TMEM242: variants seen among roughly 807,000 people sequenced by gnomAD.
TMEM242 encodes UPF0463 transmembrane protein C6orf35.
A neutral mutation model predicts 18.2 loss-of-function variants in TMEM242; 10 were observed. The observed-to-expected ratio is 0.55, with a 90% CI of 0.34 to 0.93. TMEM242 has a LOEUF of 0.93. TMEM242 is among the 40% of genes least tolerant of loss of function. The pLI is 0.02. For missense variants in TMEM242, 186 were observed against 175.5 expected, an observed-to-expected ratio of 1.06 and a Z score of -0.34; for synonymous variants, 57 against 69.9, an observed-to-expected ratio of 0.81 and a Z score of 0.92.
At chr6:157,299,942 A>C in intron 3 of TMEM242, 1 of 1,599,918 alleles carries the variant, frequency 6.3e-7, no homozygotes, top group Non-Finnish European at 8.6e-7. Flanking sequence ...TATGATGGAG[A>C]CCTTACTGTG....
intron 3 of TMEM242, among the ~76,000 whole-genome samples, chr6:157,307,033 A>G (rs782384604): frequency 9.9e-5 from 15 of 152,244 alleles, no homozygotes; most frequent in Non-Finnish European, 1.8e-4. Flanking sequence ...AACTGTACAT[A>G]TCAACTATAT....
chr6:157,294,514 C>A (rs1018645012), intron 3 of TMEM242, among the ~76,000 whole-genome samples: 1 of 151,532 alleles, frequency 6.6e-6, no homozygotes, highest in African/African-American at 2.4e-5. Flanking sequence ...CTACGCCCGG[C>A]TAATTTTTTG....
At chr6:157,312,250 A>G (rs1778168178) in intron 3 of TMEM242, among the ~76,000 whole-genome samples, 1 of 137,028 alleles carries the variant, frequency 7.3e-6, no homozygotes, top group Non-Finnish European at 1.5e-5. Flanking sequence ...ATCTAGCCTT[A>G]TCATAGTTTC....
intron 3 of TMEM242, among the ~76,000 whole-genome samples, chr6:157,314,565 G>A (rs1042389490): frequency 2.6e-5 from 4 of 152,210 alleles, no homozygotes; most frequent in Admixed American, 6.5e-5. Flanking sequence ...AGGGTGGGCC[G>A]GGGAGCAGGG....
rs1227271429 is a variant in TMEM242, at chr6:157,290,358, T to C, written c.*2543A>G. ...TTATAGGGAGATAATGTCTGTTCTA[T>C]TCCTTTTTAAGTCTGTGAAAAATGT... is the stretch of plus-strand genomic sequence containing the variant. On this transcript the variant is annotated 3_prime_UTR_variant, in exon 4 of 4. Transcript: ENST00000400788. 6.6e-6 allele frequency: 1 copy of C among 152,340 alleles called. No individual in the cohort carries two copies. The highest frequency in any genetic ancestry group is 1.9e-4 in the East Asian group (1 of 5,184). The allele number at this position is 152,340 out of a possible 1,614,324, so 9.4% of individuals were successfully genotyped here. A position where few individuals can be genotyped will look rare whatever the true frequency, so the allele number is the denominator to read the frequency against.
chr6:157,314,362 G>GTGAGCACTCAACGGGCCTAAT (rs1778343810), intron 3 of TMEM242, among the ~76,000 whole-genome samples: 1 of 149,516 alleles, frequency 6.7e-6, no homozygotes, highest in African/African-American at 2.5e-5. Flanking sequence ...TAGTGTCCCA[G>GTGAGCACTCAACGGGCCTAAT]CATGCATTCC....
In TMEM242 at chr6:157,289,450, A is replaced by C. The variant is rs587619043; in HGVS notation, c.*3451T>G. On this transcript the variant is annotated 3_prime_UTR_variant, in exon 4 of 4. Transcript: ENST00000400788. ...AAACACTTCACTTGAACATGGTATT[A>C]TAAAAATATGTATTTTACTAACTTT... is the stretch of plus-strand genomic sequence containing the variant. The C allele has an allele frequency of 6.6e-6, 1 of 152,364 alleles. No homozygotes were observed. Among genetic ancestry groups the C allele is most frequent in the East Asian group, 1.9e-4 (1 of 5,184 alleles). The allele number at this position is 152,364 out of a possible 1,614,324, so 9.4% of individuals were successfully genotyped here. A position where few individuals can be genotyped will look rare whatever the true frequency, so the allele number is the denominator to read the frequency against.
At chr6:157,295,846 T>A (rs1777741643) in intron 3 of TMEM242, among the ~76,000 whole-genome samples, 1 of 152,188 alleles carries the variant, frequency 6.6e-6, no homozygotes, top group Non-Finnish European at 1.5e-5. Context: ...AGTTTACAGC[T>A]GTGGAAATCG....
At chr6:157,296,939 T>C (rs963413478) in intron 3 of TMEM242, among the ~76,000 whole-genome samples, 2 of 152,196 alleles carry the variant, frequency 1.3e-5, no homozygotes, top group African/African-American at 4.8e-5. Flanking sequence ...GTCACAAATA[T>C]GGATGTTCTG....
At chr6:157,294,996 T>C (rs1554247120) in intron 3 of TMEM242, among the ~76,000 whole-genome samples, 1 of 152,248 alleles carries the variant, frequency 6.6e-6, no homozygotes, top group Non-Finnish European at 1.5e-5. Context: ...ATCTAACACA[T>C]GGAAAGTGCT....
At chr6:157,302,604 A>G (rs1332389522) in intron 3 of TMEM242, among the ~76,000 whole-genome samples, 3 of 152,208 alleles carry the variant, frequency 2.0e-5, no homozygotes, top group South Asian at 2.1e-4. Context: ...TATTTACAAT[A>G]AGTCTTGAGA....
At position 157,305,533 on chromosome 6, in the gene TMEM242, T is replaced by C. The variant is rs1438886666; in HGVS notation, c.328-12534A>G. On this transcript the variant is annotated intron_variant, in intron 3 of 3. Transcript: ENST00000400788. This position sits in a 1 kb window ranked among gnomAD's most constrained non-coding sequence, Gnocchi z 4.1. ...TCTGAAGGTCAGGGCTGGGGCTATG[T>C]ATCTGGACGGCATCAGATAGTACTG... Among the ~76,000 whole-genome samples, 1 of 152,132 alleles carries C rather than the reference T, an allele frequency of 6.6e-6. No individual in the cohort carries two copies. Among genetic ancestry groups the C allele is most frequent in the Non-Finnish European group, 1.5e-5 (1 of 68,036 alleles).
rs1777677031 is a variant in TMEM242 at position 157,291,017 on chromosome 6, C to T, written c.*1884G>A. ...CCCCACCATGGCCCCTGGCTCCTTC[C>T]TAGGGCCTAGCTGCCATCAGCCTGA... is the stretch of plus-strand genomic sequence containing the variant. On this transcript the variant is annotated 3_prime_UTR_variant, in exon 4 of 4. Transcript: ENST00000400788. 1 of 152,342 alleles carries T rather than the reference C, an allele frequency of 6.6e-6. No homozygotes were observed. The highest frequency in any genetic ancestry group is 1.5e-5 in the Non-Finnish European group (1 of 68,122). 9.4% of individuals were successfully genotyped at this position (152,342 alleles called of 1,614,324 possible). A position where few individuals can be genotyped will look rare whatever the true frequency, so the allele number is the denominator to read the frequency against.
rs1778039891 is a variant in TMEM242 at position 157,311,010 on chromosome 6, G to A, written c.327+7772C>T. ...TGCGCTAACCTAGCCTCCCCAGTGT[G>A]CAGTCACCTAGCCTCATCATAGTGT... On this transcript the variant is annotated intron_variant, in intron 3 of 3. Transcript: ENST00000400788. Among the ~76,000 whole-genome samples the A allele has an allele frequency of 6.3e-4, 28 of 44,430 alleles. 1 individual carries two copies. The highest frequency in any genetic ancestry group is 8.0e-4 in the South Asian group (1 of 1,256). The allele number at this position is 44,430 out of a possible 152,430, so 29.1% of individuals were successfully genotyped here.
At position 157,299,644 on chromosome 6, in the gene TMEM242, G is replaced by A. The variant is rs587681608; in HGVS notation, c.328-6645C>T. ...AGAGGGGGCTGTACTGGACAATACC[G>A]GAAATCATTAACTTGAAGATGGCCA... On this transcript the variant is annotated intron_variant, in intron 3 of 3. Coordinates refer to ENST00000400788, the MANE Select transcript of TMEM242 (RefSeq NM_018452.6). 1.2e-4 allele frequency: 189 copies of A among 1,609,566 alleles called. No individual in the cohort carries two copies. The African/African-American group carries it at 2.3e-3, about 19-fold the overall frequency.
intron 3 of TMEM242, among the ~76,000 whole-genome samples, chr6:157,313,357 C>CCCGGA (rs1778263345): frequency 7.0e-6 from 1 of 142,986 alleles, no homozygotes; most frequent in Non-Finnish European, 1.5e-5. Flanking sequence ...TGTGCGCTCA[C>CCCGGA]CTGGCCTCAT....
rs184668717 is a variant in TMEM242 at position 157,305,682 on chromosome 6, G to A, written c.328-12683C>T. Reference sequence around the variant, plus strand: ...AAGAGGCTGGCCAGGGGAGGGGTTGGCACAAGAGACAGGCAAAATGTCCAG... The same window carrying A: ...AAGAGGCTGGCCAGGGGAGGGGTTGACACAAGAGACAGGCAAAATGTCCAG... On this transcript the variant is annotated intron_variant, in intron 3 of 3. Coordinates refer to ENST00000400788, the MANE Select transcript of TMEM242 (RefSeq NM_018452.6). The surrounding 1 kb of genome is among the most constrained non-coding windows in gnomAD (Gnocchi z 4.1). Among the ~76,000 whole-genome samples, 275 of 152,296 alleles carry A rather than the reference G, an allele frequency of 1.8e-3. No individual in the cohort carries two copies. The highest frequency in any genetic ancestry group is 3.1e-3 in the Non-Finnish European group (211 of 68,010).
chr6:157,292,854 G>A lies in TMEM242; in HGVS notation c.*47C>T. 6.8e-7 allele frequency: 1 copy of A among 1,481,472 alleles called. No individual in the cohort carries two copies. 91.8% of individuals were successfully genotyped at this position (1,481,472 alleles called of 1,614,324 possible). A position where few individuals can be genotyped will look rare whatever the true frequency, so the allele number is the denominator to read the frequency against. Reference sequence around the variant, plus strand: ...CTTTTGCTGTCATGGTGTCTCCAGAGCCACCCCTTTCTGTAACAAGCATTT... The same window carrying A: ...CTTTTGCTGTCATGGTGTCTCCAGAACCACCCCTTTCTGTAACAAGCATTT... On this transcript the variant is annotated 3_prime_UTR_variant, in exon 4 of 4. Transcript: ENST00000400788.
At chr6:157,311,458 A>AAT (rs1554248792) in intron 3 of TMEM242, among the ~76,000 whole-genome samples, 4,068 of 109,712 alleles carry the variant, frequency 0.037, 11 homozygotes, top group East Asian at 0.056. Flanking sequence ...GTGTGCAATC[A>AAT]CCTGGCCTCA....
Sources: allele counts gnomAD v4.1 joint callset (sites outside exome capture counted in the v4.1 genomes callset), GRCh38; gene constraint gnomAD v4.1.1; non-coding constraint Gnocchi (gnomAD v3.1); transcripts MANE v1.5; gene names NCBI Gene and HGNC (gene_info 2026-07-23, HGNC 2026-07-21).